Variants in CELF2 observed in about 807,000 individuals in gnomAD.
The protein encoded by CELF2 is CUG triplet repeat RNA-binding protein 2.
Under a neutral mutation model 62.6 loss-of-function variants are expected in CELF2, and 8 were observed. The observed-to-expected ratio is 0.13, with a 90% confidence interval of 0.07 to 0.23. CELF2 has a LOEUF of 0.23. CELF2 is among the 10% of genes least tolerant of loss of function. The pLI, the probability that CELF2 is intolerant of heterozygous loss-of-function variation, is 1.00. For missense variants in CELF2, 333 were observed against 671.0 expected (o/e 0.50, Z 5.56); for synonymous variants, 258 against 250.0 (o/e 1.03, Z -0.30).
In CELF2 at chr10:11,025,235, G is replaced by A. The variant is rs376009608; in HGVS notation, c.74+7072G>A. ...TGTGTGTGTGTGTGTGTGTGTGTGT[G>A]TGTGTATATGTATGTGACTGTATAT... On this transcript the variant is annotated intron_variant, in intron 1 of 12. Transcript: ENST00000633077. Among the ~76,000 whole-genome samples the A allele has an allele frequency of 9.0e-3, 370 of 41,134 alleles. 3 individuals carry two copies. In the East Asian group the frequency reaches 0.14, roughly 16 times the overall value. 27.0% of individuals were successfully genotyped at this position (41,134 alleles called of 152,430 possible). A position where few individuals can be genotyped will look rare whatever the true frequency, so the allele number is the denominator to read the frequency against.
rs551854453 is a variant in CELF2, at chr10:10,930,658, T to C, written c.89+10659T>C. On this transcript the variant is annotated intron_variant, in intron 2 of 13. Coordinates refer to the CELF2 transcript ENST00000636488. ...TATAGAGCAAAGGGGTAGAAAATGG[T>C]TTCCACGTAAGATACAATTTTGCAG... Among the ~76,000 whole-genome samples, 149 of 152,292 alleles carry C rather than the reference T, an allele frequency of 9.8e-4. 1 individual carries two copies. The highest frequency in any genetic ancestry group is 3.6e-3 in the African/African-American group (148 of 41,546).
chr10:10,769,406 C>T, the CELF2 span, among the ~76,000 whole-genome samples: 4 of 152,094 alleles, frequency 2.6e-5, no homozygotes, highest in Non-Finnish European at 4.4e-5. Context: ...TTGCATAAAA[C>T]GTGCTGCAGT....
chr10:10,496,812 G>A, the CELF2 span, among the ~76,000 whole-genome samples: 2 of 152,110 alleles, frequency 1.3e-5, no homozygotes, highest in Non-Finnish European at 2.9e-5. Context: ...AAGTTTGGGG[G>A]TGTGGAGGTT....
chr10:10,830,562 A>T (rs1479796667), intron 1 of CELF2, among the ~76,000 whole-genome samples: 1 of 151,878 alleles, frequency 6.6e-6, no homozygotes, highest in Non-Finnish European at 1.5e-5. Context: ...CTTACAATTC[A>T]CTCCCTTCTT....
chr10:10,786,271 A>G, the CELF2 span, among the ~76,000 whole-genome samples: 6 of 152,138 alleles, frequency 3.9e-5, no homozygotes, highest in Admixed American at 1.3e-4. Flanking sequence ...CTTCTGTAGC[A>G]TTACATGAGA....
chr10:10,618,358 G>A, the CELF2 span, among the ~76,000 whole-genome samples: 1 of 152,108 alleles, frequency 6.6e-6, no homozygotes, highest in African/African-American at 2.4e-5. Context: ...CTCCTTGAAA[G>A]AGCCCTGATC....
intron 9 of CELF2, among the ~76,000 whole-genome samples, chr10:11,303,919 T>C (rs887395038): frequency 6.6e-6 from 1 of 152,210 alleles, no homozygotes; most frequent in Non-Finnish European, 1.5e-5. Flanking sequence ...AAGGACTTAA[T>C]AGGCTAAGGC....
At chr10:11,013,395 T>A (rs1200248185), upstream of CELF2, among the ~76,000 whole-genome samples, 1 of 152,196 alleles carries the variant, frequency 6.6e-6, no homozygotes, top group Non-Finnish European at 1.5e-5. The surrounding 1 kb of genome is among the most constrained non-coding windows in gnomAD (Gnocchi z 4.1). Context: ...AGATCCACAG[T>A]GCTAACATTT....
intron 1 of CELF2, among the ~76,000 whole-genome samples, chr10:11,073,174 A>G (rs2070707102): frequency 6.6e-6 from 1 of 152,222 alleles, no homozygotes; most frequent in Admixed American, 6.5e-5. Context: ...AGCAGAGTGT[A>G]ACACTGGCTA....
At position 11,333,965 on chromosome 10, in the gene CELF2, GTTGATTGATTGA is replaced by G. The variant is rs34480491; in HGVS notation, c.*4922_*4933del. 3 of 151,794 alleles carry G rather than the reference GTTGATTGATTGA, an allele frequency of 2.0e-5. No homozygotes were observed. The highest frequency in any genetic ancestry group is 1.9e-4 in the East Asian group (1 of 5,162). The allele number at this position is 151,794 out of a possible 1,614,324, so 9.4% of individuals were successfully genotyped here. A position where few individuals can be genotyped will look rare whatever the true frequency, so the allele number is the denominator to read the frequency against. ...TGACTGATTTCAAGTTTGATTTCGG[GTTGATTGATTGA>G]TTGATTGATAGAAAGAAAGTTGCTT... is the stretch of plus-strand genomic sequence containing the variant. On this transcript the variant is annotated 3_prime_UTR_variant, in exon 13 of 13. Coordinates refer to ENST00000633077, the MANE Select transcript of CELF2 (RefSeq NM_001326342.2).
intron 9 of CELF2, among the ~76,000 whole-genome samples, chr10:11,293,178 T>C (rs576701666): frequency 1.3e-5 from 2 of 152,342 alleles, no homozygotes; most frequent in East Asian, 3.9e-4. Context: ...CAAGCTTCTC[T>C]ACCTAGAACA....
the CELF2 span, among the ~76,000 whole-genome samples, chr10:10,701,225 A>G: frequency 6.6e-6 from 1 of 152,252 alleles, no homozygotes; most frequent in Non-Finnish European, 1.5e-5. Context: ...GCCTAGGCAG[A>G]GGCTAATGCC....
chr10:10,777,954 T>C, the CELF2 span, among the ~76,000 whole-genome samples: 1 of 152,112 alleles, frequency 6.6e-6, no homozygotes, highest in East Asian at 1.9e-4. Flanking sequence ...CCTTTTCTAC[T>C]TGACAACTTC....
intron 2 of CELF2, among the ~76,000 whole-genome samples, chr10:11,210,304 A>T (rs748547982): frequency 1.3e-5 from 2 of 152,208 alleles, no homozygotes; most frequent in Admixed American, 6.5e-5. Context: ...GTAGGTTTTC[A>T]TATATGTAAG....
At chr10:10,724,858 T>A in the CELF2 span, among the ~76,000 whole-genome samples, 380 of 152,256 alleles carry the variant, frequency 2.5e-3, 3 homozygotes, top group Non-Finnish European at 4.3e-3. Context: ...GTGGAATTGA[T>A]TTAATGATTG....
rs184691588 is a variant in CELF2, at chr10:11,282,071, T to G, written c.842-6347T>G. The stretch of plus-strand genomic sequence containing the variant: ...GGATATGGGGACCTGGGGGGTAGAG[T>G]TAACTTCTGGGCCCCTGTCACATTG... On this transcript the variant is annotated intron_variant, in intron 8 of 12. Coordinates refer to ENST00000633077, the MANE Select transcript of CELF2 (RefSeq NM_001326342.2). Among the ~76,000 whole-genome samples the G allele has an allele frequency of 4.6e-5, 7 of 151,912 alleles. No individual in the cohort carries two copies. The East Asian group carries it at 9.7e-4, about 21-fold the overall frequency.
chr10:10,828,974 A>C (rs779001175), intron 1 of CELF2, among the ~76,000 whole-genome samples: 13 of 152,226 alleles, frequency 8.5e-5, no homozygotes, highest in Admixed American at 1.3e-4. Context: ...CAAAACACAA[A>C]ATGAAAAACA....
At chr10:10,818,546 C>CTTT (rs3028992) in intron 1 of CELF2, among the ~76,000 whole-genome samples, 28 of 116,530 alleles carry the variant, frequency 2.4e-4, no homozygotes, top group South Asian at 2.7e-4. Flanking sequence ...TAAATATTTC[C>CTTT]TTTTTTTTTT....
At chr10:10,650,449 G>T in the CELF2 span, among the ~76,000 whole-genome samples, 1 of 152,078 alleles carries the variant, frequency 6.6e-6, no homozygotes, top group East Asian at 1.9e-4. Flanking sequence ...TGCATACTCT[G>T]TAACCCAGAA....
Sources: gnomAD v4.1 joint callset for allele counts (sites outside exome capture counted in the v4.1 genomes callset) on GRCh38, gnomAD v4.1.1 for gene constraint, Gnocchi (gnomAD v3.1) non-coding constraint, MANE v1.5 for transcripts, NCBI Gene and HGNC (gene_info 2026-07-23, HGNC 2026-07-21) for gene names.